Variants in APOOL observed in about 807,000 individuals in gnomAD.
APOOL encodes MICOS complex subunit MIC27.
Under a neutral mutation model 23.1 loss-of-function variants are expected in APOOL, and 12 were observed. The observed-to-expected ratio is 0.52, with a 90% CI of 0.33 to 0.84. The LOEUF (loss-of-function observed/expected upper bound fraction) is 0.84. APOOL is among the 40% of genes least tolerant of loss of function. The pLI is 0.02. For missense variants in APOOL, 212 were observed against 199.6 expected (o/e 1.06, Z -0.37); for synonymous variants, 77 against 69.9 (o/e 1.10, Z -0.51).
At chrX:85,051,766 A>G (rs933190703) in intron 3 of APOOL, among the ~76,000 whole-genome samples, 2 of 111,720 alleles carry the variant, frequency 1.8e-5, no homozygotes, top group African/African-American at 6.5e-5. Context: ...AGACAGCTTT[A>G]TTTGCATCTC....
At chrX:85,056,337 A>G (rs1156641647) in intron 5 of APOOL, among the ~76,000 whole-genome samples, 1 of 111,977 alleles carries the variant, frequency 8.9e-6, no homozygotes, top group Non-Finnish European at 1.9e-5. Context: ...TTACATTAAG[A>G]TAAAACTCTC....
At position 85,088,316 on chromosome X, in the gene APOOL, G is replaced by GTTTTTTTTTTTTTT. The variant is rs766497759; in HGVS notation, c.*654_*667dup. Reference sequence around the variant, plus strand: ...TGTATGGAAAGGTGTGTTTCCCTCTGTTTTTTTTTTTTTTTTTTTTTTTTT... The same window carrying GTTTTTTTTTTTTTT: ...TGTATGGAAAGGTGTGTTTCCCTCTGTTTTTTTTTTTTTTTTTTTTTTTTTTTTTTTTTTTTTTT... On this transcript the variant is annotated 3_prime_UTR_variant, in exon 9 of 9. Transcript: ENST00000373173. 35 of 22,528 alleles carry GTTTTTTTTTTTTTT rather than the reference G, an allele frequency of 1.6e-3. 8 individuals are homozygous for GTTTTTTTTTTTTTT. The highest frequency in any genetic ancestry group is 2.1e-3 in the Non-Finnish European group (26 of 12,652). The allele number at this position is 22,528 out of a possible 1,213,427, so 1.9% of individuals were successfully genotyped here. A position where few individuals can be genotyped will look rare whatever the true frequency, so the allele number is the denominator to read the frequency against.
chrX:85,054,374 A>G lies in APOOL; in HGVS notation c.271A>G (p.Met91Val), dbSNP rs1922886082. 1 of 1,191,155 alleles carries G rather than the reference A, an allele frequency of 8.4e-7. No individual in the cohort carries two copies. Among genetic ancestry groups the G allele is most frequent in the Non-Finnish European group, 1.1e-6 (1 of 884,708 alleles). ...TTATGTCTTTGTGAAAAATGGGATAATGGATACAGTACAATTTGGAAAAGG... is the reference window on the plus strand; with the variant it reads ...TTATGTCTTTGTGAAAAATGGGATAGTGGATACAGTACAATTTGGAAAAGG... ...GVYVFVKNGIMDTVQFGKDAY... is the reference protein window; with the variant it reads ...GVYVFVKNGIVDTVQFGKDAY... The change falls in exon 4 of 9, where the codon ATG becomes GTG. Residue 91 changes from methionine to valine, a missense_variant. By Grantham distance (21) the Met-to-Val change is conservative. Coordinates refer to ENST00000373173, the MANE Select transcript of APOOL (RefSeq NM_198450.6).
chrX:85,035,250 A>G (rs186501777), intron 1 of APOOL, among the ~76,000 whole-genome samples: 16 of 111,307 alleles, frequency 1.4e-4, no homozygotes, highest in African/African-American at 3.6e-4. Flanking sequence ...GGCCACTTGT[A>G]TGTTATCTTT....
chrX:85,008,446 C>T (rs891741089), intron 1 of APOOL, among the ~76,000 whole-genome samples: 9 of 111,021 alleles, frequency 8.1e-5, no homozygotes, highest in African/African-American at 2.6e-4. Context: ...GTCTGACTTA[C>T]TTCACTCAGC....
rs566583527 is a variant in APOOL, at chrX:85,026,744, C to T, written c.16-19702C>T. 1.3e-3 allele frequency among the ~76,000 whole-genome samples: 147 copies of T among 111,625 alleles called. 3 individuals are homozygous for T. In the South Asian group the frequency reaches 0.05, roughly 38 times the overall value. On this transcript the variant is annotated intron_variant, in intron 1 of 8. Coordinates refer to ENST00000373173, the MANE Select transcript of APOOL (RefSeq NM_198450.6). ...ACTAAGGCATAGCAAGGCTGACCTT[C>T]GCTCCAGTTCCCAAAATACCCTCAT...
At chrX:85,066,714 G>A (rs187520293) in intron 5 of APOOL, among the ~76,000 whole-genome samples, 1 of 110,723 alleles carries the variant, frequency 9.0e-6, no homozygotes, top group East Asian at 2.8e-4. Flanking sequence ...AAAAGGACAT[G>A]TAAGAGAGAG....
intron 1 of APOOL, among the ~76,000 whole-genome samples, chrX:85,029,791 A>G (rs767168022): frequency 8.9e-6 from 1 of 112,266 alleles, no homozygotes; most frequent in South Asian, 3.7e-4. Context: ...TCAGGGAAAT[A>G]CAAATTAAAT....
rs766105608 is a variant in APOOL at position 85,023,751 on chromosome X, A to T, written c.15+19824A>T. Among the ~76,000 whole-genome samples the T allele has an allele frequency of 5.3e-5, 6 of 112,447 alleles. No individual in the cohort carries two copies. In the South Asian group the frequency reaches 2.2e-3, roughly 41 times the overall value. On this transcript the variant is annotated intron_variant, in intron 1 of 8. Coordinates refer to ENST00000373173, the MANE Select transcript of APOOL (RefSeq NM_198450.6). ...GTAGAGTCCAGAGTAAGTCCACCAGACAAAATAGCTTTCAAGACAGAAATA... is the reference window on the plus strand; with the variant it reads ...GTAGAGTCCAGAGTAAGTCCACCAGTCAAAATAGCTTTCAAGACAGAAATA...
intron 6 of APOOL, among the ~76,000 whole-genome samples, chrX:85,069,569 C>T (rs1415014615): frequency 1.0e-5 from 1 of 97,274 alleles, no homozygotes; most frequent in Non-Finnish European, 2.0e-5. Context: ...GAGATTGCAC[C>T]ACTGCACTCC....
At chrX:85,041,146 C>G (rs1922387520) in intron 1 of APOOL, among the ~76,000 whole-genome samples, 1 of 111,962 alleles carries the variant, frequency 8.9e-6, no homozygotes, top group Non-Finnish European at 1.9e-5. Context: ...TGCTGCCAGC[C>G]CAAGTGCTCA....
chrX:85,061,987 G>A (rs1923245497), intron 5 of APOOL, among the ~76,000 whole-genome samples: 2 of 110,900 alleles, frequency 1.8e-5, no homozygotes, highest in South Asian at 7.8e-4. Context: ...GTCAATTTTA[G>A]ATCTTTCCTG....
chrX:85,014,340 C>G (rs1042070853), intron 1 of APOOL, among the ~76,000 whole-genome samples: 1 of 111,176 alleles, frequency 9.0e-6, no homozygotes, highest in African/African-American at 3.3e-5. Flanking sequence ...ATGTGAGGTA[C>G]TGTTCTATTT....
chrX:85,068,176 A>G (rs1406897098), intron 6 of APOOL, among the ~76,000 whole-genome samples: 1 of 111,658 alleles, frequency 9.0e-6, no homozygotes. Context: ...AATAATTTAC[A>G]TAGGAATTAA....
intron 5 of APOOL, among the ~76,000 whole-genome samples, chrX:85,057,463 C>CAT (rs1000166875): frequency 3.1e-4 from 32 of 104,643 alleles, no homozygotes; most frequent in East Asian, 8.8e-4. Flanking sequence ...TATCCTAACT[C>CAT]ATATATATAT....
chrX:85,076,845 G>A (rs113311063), intron 8 of APOOL, among the ~76,000 whole-genome samples: 8 of 107,736 alleles, frequency 7.4e-5, no homozygotes, highest in East Asian at 2.9e-4. Context: ...AGAATTTGGT[G>A]TCATAGACCT....
intron 2 of APOOL, among the ~76,000 whole-genome samples, chrX:85,049,510 G>A (rs907308936): frequency 4.5e-5 from 5 of 111,668 alleles, no homozygotes; most frequent in Non-Finnish European, 7.5e-5. Flanking sequence ...CCCGTGAGGC[G>A]CAGTGCCTCA....
intron 1 of APOOL, among the ~76,000 whole-genome samples, chrX:85,032,305 G>A (rs1602750829): frequency 9.0e-6 from 1 of 110,991 alleles, no homozygotes; most frequent in Admixed American, 9.5e-5. Context: ...AACTGAGGTC[G>A]GGAGTTCAAG....
chrX:85,045,164 T>TA (rs777902237), intron 1 of APOOL, among the ~76,000 whole-genome samples: 88 of 111,678 alleles, frequency 7.9e-4, no homozygotes, highest in African/African-American at 2.8e-3. Flanking sequence ...GTATAAGAAA[T>TA]AAAAAAATTG....
Sources: gnomAD v4.1 joint callset for allele counts (sites outside exome capture counted in the v4.1 genomes callset) on GRCh38, gnomAD v4.1.1 for gene constraint, MANE v1.5 for transcripts, NCBI Gene and HGNC (gene_info 2026-07-23, HGNC 2026-07-21) for gene names.